The following SLC26A7 variants were observed in gnomAD, a reference collection of about 807,000 sequenced individuals.
The protein encoded by SLC26A7 is anion exchange transporter.
A neutral mutation model predicts 82.5 loss-of-function variants in SLC26A7; 59 were observed. The observed-to-expected ratio is 0.72, with a 90% CI of 0.58 to 0.89. The LOEUF is 0.89. Among genes scored for constraint, SLC26A7 ranks in the 40% least tolerant of loss-of-function variants. The pLI is 0.00. For missense variants in SLC26A7, 820 were observed against 793.0 expected, an observed-to-expected ratio of 1.03 and a Z score of -0.41; for synonymous variants, 271 against 274.3, an observed-to-expected ratio of 0.99 and a Z score of 0.12.
upstream of SLC26A7, among the ~76,000 whole-genome samples, chr8:91,247,790 G>A (rs993960048): frequency 2.6e-5 from 4 of 152,016 alleles, no homozygotes; most frequent in African/African-American, 9.7e-5. Flanking sequence ...TTACACAAAT[G>A]ATAGATGTTG....
chr8:91,235,406 G>A (rs866278989), intron 2 of SLC26A7, among the ~76,000 whole-genome samples: 11 of 152,168 alleles, frequency 7.2e-5, no homozygotes, highest in Admixed American at 1.3e-4. Context: ...CTGGTATGCA[G>A]TTTCTAATAA....
chr8:91,345,818 T>TC (rs1813546756), intron 9 of SLC26A7, among the ~76,000 whole-genome samples: 1 of 152,230 alleles, frequency 6.6e-6, no homozygotes, highest in African/African-American at 2.4e-5. Flanking sequence ...ATTGCTATTT[T>TC]CGTAATAATC....
chr8:91,284,107 T>C (rs1428303055), intron 2 of SLC26A7, among the ~76,000 whole-genome samples: 4 of 152,188 alleles, frequency 2.6e-5, no homozygotes, highest in Non-Finnish European at 2.9e-5. Flanking sequence ...CTAGCCAAAC[T>C]AAAAGTTTTC....
intron 15 of SLC26A7, among the ~76,000 whole-genome samples, chr8:91,386,628 C>T (rs1226874508): frequency 6.6e-6 from 1 of 152,110 alleles, no homozygotes; most frequent in Non-Finnish European, 1.5e-5. Context: ...AGAGTACCCA[C>T]GTTTAAGCAG....
At chr8:91,217,089 G>A (rs2130656616) in intron 1 of SLC26A7, among the ~76,000 whole-genome samples, 1 of 152,146 alleles carries the variant, frequency 6.6e-6, no homozygotes, top group South Asian at 2.1e-4. Flanking sequence ...CTTGGGCTGA[G>A]CCATATGTTT....
At chr8:91,306,484 A>G (rs78043275) in intron 4 of SLC26A7, among the ~76,000 whole-genome samples, 2,609 of 152,268 alleles carry the variant, frequency 0.017, 67 homozygotes, top group African/African-American at 0.058. Context: ...ATTCTGTGGA[A>G]CAGGTGGAGA....
At chr8:91,394,218 G>T (rs1307116006) in intron 18 of SLC26A7, 179 bp downstream of exon 18, 1 of 1,612,742 alleles carries the variant, frequency 6.2e-7, no homozygotes, top group Non-Finnish European at 8.5e-7. Context: ...CTTTTTTTAG[G>T]CCAGTTATAA....
chr8:91,266,394 C>G (rs1811113888), intron 2 of SLC26A7, among the ~76,000 whole-genome samples: 1 of 151,520 alleles, frequency 6.6e-6, no homozygotes, highest in South Asian at 2.1e-4. Flanking sequence ...TTTGGGTCTT[C>G]TTCAATTTAT....
intron 2 of SLC26A7, among the ~76,000 whole-genome samples, chr8:91,276,781 T>G (rs1811418310): frequency 6.6e-6 from 1 of 152,172 alleles, no homozygotes; most frequent in East Asian, 1.9e-4. Flanking sequence ...TAAAATGCAC[T>G]TCATCTTATC....
At chr8:91,384,192 G>A (rs1005478479) in intron 15 of SLC26A7, among the ~76,000 whole-genome samples, 2 of 152,110 alleles carry the variant, frequency 1.3e-5, no homozygotes, top group Non-Finnish European at 2.9e-5. Context: ...CCTTCTGGAG[G>A]GTCTAGAGGA....
intron 2 of SLC26A7, among the ~76,000 whole-genome samples, chr8:91,273,236 A>G (rs1252638037): frequency 6.6e-6 from 1 of 152,094 alleles, no homozygotes. Context: ...TCCATTTTGT[A>G]TTTGTTATAT....
At chr8:91,230,482 C>T (rs146792318) in intron 2 of SLC26A7, among the ~76,000 whole-genome samples, 2 of 152,302 alleles carry the variant, frequency 1.3e-5, no homozygotes, top group East Asian at 3.9e-4. Context: ...ATGCAATTCC[C>T]TCTAATCGGA....
At chr8:91,383,340 T>A (rs1814714732) in intron 15 of SLC26A7, among the ~76,000 whole-genome samples, 1 of 151,768 alleles carries the variant, frequency 6.6e-6, no homozygotes. Flanking sequence ...GAAAAGTGAG[T>A]TTAGGTAGGA....
At position 91,325,257 on chromosome 8, in the gene SLC26A7, A is replaced by C. The variant is rs139917766; in HGVS notation, c.642+6877A>C. On this transcript the variant is annotated intron_variant, in intron 5 of 18. Coordinates refer to ENST00000276609, the MANE Select transcript of SLC26A7 (RefSeq NM_052832.4). ...CTTGAATTAATTAAGACATTAAATGAATCACTGTGTATAAGATGGCCAGCA... is the reference window on the plus strand; with the variant it reads ...CTTGAATTAATTAAGACATTAAATGCATCACTGTGTATAAGATGGCCAGCA... 4.4e-3 allele frequency among the ~76,000 whole-genome samples: 670 copies of C among 152,300 alleles called. 7 individuals carry two copies. Among genetic ancestry groups the C allele is most frequent in the Non-Finnish European group, 7.2e-3 (490 of 68,014 alleles).
chr8:91,251,333 C>T (rs958010080), intron 2 of SLC26A7, among the ~76,000 whole-genome samples: 5 of 152,066 alleles, frequency 3.3e-5, no homozygotes, highest in African/African-American at 7.2e-5. Context: ...TGAAGGGACA[C>T]ATTGGCCAGC....
intron 2 of SLC26A7, among the ~76,000 whole-genome samples, chr8:91,219,667 G>A (rs1810126862): frequency 6.6e-6 from 1 of 152,152 alleles, no homozygotes; most frequent in African/African-American, 2.4e-5. Context: ...CAGACCAGTG[G>A]TTCTTGGAAT....
chr8:91,228,731 A>G (rs1810273073), intron 2 of SLC26A7, among the ~76,000 whole-genome samples: 1 of 152,194 alleles, frequency 6.6e-6, no homozygotes, highest in African/African-American at 2.4e-5. Context: ...AATTATAACT[A>G]AAGCCTGTGA....
At position 91,261,384 on chromosome 8, in the gene SLC26A7, G is replaced by A. The variant is rs1385692636; in HGVS notation, c.193+11540G>A. On this transcript the variant is annotated intron_variant, in intron 2 of 18. Transcript: ENST00000276609. ...TTTTAACCTTGAATATATCATTCTGGTGTGGGTATTTAAGGGTGGGAACAT... is the reference window on the plus strand; with the variant it reads ...TTTTAACCTTGAATATATCATTCTGATGTGGGTATTTAAGGGTGGGAACAT... Among the ~76,000 whole-genome samples the A allele has an allele frequency of 2.6e-5, 4 of 152,026 alleles. No individual in the cohort carries two copies. In the East Asian group the frequency reaches 7.7e-4, roughly 29 times the overall value.
Position 91,379,346 on chromosome 8 carries a change from G to A in SLC26A7, c.1675+9513G>A, listed in dbSNP as rs145213920. ...TAAATTTTTAAATAAAAATGCAAAT[G>A]GCCAAGAATAGTCAAGACACTTGAA... On this transcript the variant is annotated intron_variant, in intron 15 of 18. Transcript: ENST00000276609. Among the ~76,000 whole-genome samples, 396 of 152,064 alleles carry A rather than the reference G, an allele frequency of 2.6e-3. 2 individuals carry two copies. Among genetic ancestry groups the A allele is most frequent in the African/African-American group, 8.9e-3 (369 of 41,522 alleles).
Sources: allele counts gnomAD v4.1 joint callset (sites outside exome capture counted in the v4.1 genomes callset), GRCh38; gene constraint gnomAD v4.1.1; transcripts MANE v1.5; gene names NCBI Gene and HGNC (gene_info 2026-07-23, HGNC 2026-07-21).